The following SLMAP variants were observed in gnomAD, a reference collection of about 807,000 sequenced individuals.
The protein encoded by SLMAP is sarcolemmal membrane-associated protein.
A neutral mutation model predicts 128.8 loss-of-function variants in SLMAP; 44 were observed. The ratio of observed to expected loss-of-function variants is 0.34; its 90% CI spans 0.27 to 0.44. The LOEUF is 0.44. SLMAP is among the 20% of genes least tolerant of loss of function. The pLI, the probability that SLMAP is intolerant of heterozygous loss-of-function variation, is 1.00. For synonymous variants in SLMAP, 327 were observed against 348.8 expected, an observed-to-expected ratio of 0.94 and a Z score of 0.70; for missense variants, 787 against 985.3, an observed-to-expected ratio of 0.80 and a Z score of 2.69.
chr3:57,770,209 C>T (rs775750580), intron 2 of SLMAP, among the ~76,000 whole-genome samples: 3 of 152,086 alleles, frequency 2.0e-5, no homozygotes, highest in Non-Finnish European at 2.9e-5. Context: ...AATATAATTA[C>T]GATACAAATA....
At chr3:57,794,659 G>T (rs2086302258) in intron 2 of SLMAP, among the ~76,000 whole-genome samples, 1 of 152,066 alleles carries the variant, frequency 6.6e-6, no homozygotes, top group South Asian at 2.1e-4. Context: ...TGCCTATCTG[G>T]ACATTTTATA....
Position 57,756,912 on chromosome 3 carries a change from C to G in SLMAP, c.-740C>G, listed in dbSNP as rs866259752. ...GTCGCGGGGACGCTCGCCAGGTGCC[C>G]AGGAGTCCCGACTTGGCCACTGCCC... On this transcript the variant is annotated 5_prime_UTR_variant, in exon 2 of 25. Coordinates refer to ENST00000671191, the MANE Select transcript of SLMAP (RefSeq NM_001377540.1). The G allele has an allele frequency of 6.6e-6, 1 of 152,484 alleles. No individual in the cohort carries two copies. Among genetic ancestry groups the G allele is most frequent in the East Asian group, 1.9e-4 (1 of 5,160 alleles). 9.4% of individuals were successfully genotyped at this position (152,484 alleles called of 1,614,324 possible).
At chr3:57,817,675 A>G (rs922690369) in intron 2 of SLMAP, among the ~76,000 whole-genome samples, 6 of 152,290 alleles carry the variant, frequency 3.9e-5, no homozygotes, top group African/African-American at 1.4e-4. Context: ...CTTATTTCAT[A>G]GTGTTCTGAA....
chr3:57,840,691 C>T (rs1161085000), intron 3 of SLMAP, among the ~76,000 whole-genome samples: 1 of 152,110 alleles, frequency 6.6e-6, no homozygotes, highest in African/African-American at 2.4e-5. Flanking sequence ...GAGGAAGAAA[C>T]AACTATCAAG....
intron 17 of SLMAP, chr3:57,898,912 T>C (rs1315231316): frequency 2.0e-5 from 3 of 152,146 alleles, no homozygotes; most frequent in Non-Finnish European, 4.4e-5. Flanking sequence ...TATAGGTTTA[T>C]TGTGAAGATT....
chr3:57,857,884 C>A, intron 7 of SLMAP, 56 bp downstream of exon 7: 2 of 1,206,618 alleles, frequency 1.7e-6, no homozygotes, highest in Non-Finnish European at 2.4e-6. Context: ...ATATTCCATA[C>A]ATGTTAAATA....
chr3:57,858,219 C>G (rs930728577), intron 8 of SLMAP, 60 bp downstream of exon 8: 7 of 928,890 alleles, frequency 7.5e-6, no homozygotes, highest in Non-Finnish European at 1.1e-5. Flanking sequence ...AACATCATTT[C>G]TTTGACTATC....
At chr3:57,812,969 G>A (rs866409876) in intron 2 of SLMAP, among the ~76,000 whole-genome samples, 3 of 150,916 alleles carry the variant, frequency 2.0e-5, no homozygotes, top group Admixed American at 6.6e-5. Context: ...TATTGTCTTT[G>A]TATCTTACTA....
At chr3:57,847,844 T>G (rs1171444162) in intron 5 of SLMAP, among the ~76,000 whole-genome samples, 1 of 152,074 alleles carries the variant, frequency 6.6e-6, no homozygotes, top group Non-Finnish European at 1.5e-5. Context: ...GTGGAAAAAA[T>G]ATTTTATGTT....
chr3:57,913,272 A>C lies in SLMAP; in HGVS notation c.2135A>C (p.His712Pro). 7.1e-7 allele frequency: 1 copy of C among 1,405,244 alleles called. No homozygotes were observed. The highest frequency in any genetic ancestry group is 1.0e-6 in the Non-Finnish European group (1 of 999,420). 87.0% of individuals were successfully genotyped at this position (1,405,244 alleles called of 1,614,324 possible). A position where few individuals can be genotyped will look rare whatever the true frequency, so the allele number is the denominator to read the frequency against. ...CTGCAACGGCAAGAAAAAGAATTGC[A>C]CAAGTATGCAAGAACTCTCTGTTTT... ...SELQRQEKEL[H>P]NSQKQSLELT... The change falls in exon 21 of 25, where the codon CAC (histidine) becomes CCC (proline). Residue 712 changes from histidine to proline, a missense_variant. By Grantham distance (77) the His-to-Pro change is moderately conservative. Around this residue, in one of 2 missense-constraint regions of SLMAP, gnomAD observed 715 missense variants for 843.6 expected, o/e 0.85. Coordinates refer to ENST00000671191, the MANE Select transcript of SLMAP (RefSeq NM_001377540.1).
At chr3:57,761,099 A>G (rs2078544646) in intron 2 of SLMAP, among the ~76,000 whole-genome samples, 1 of 151,172 alleles carries the variant, frequency 6.6e-6, no homozygotes. Context: ...TGAGGTAATT[A>G]TATAAATCAC....
At chr3:57,897,289 C>T (rs1020450138) in intron 17 of SLMAP, 3 of 351,306 alleles carry the variant, frequency 8.5e-6, no homozygotes, top group Non-Finnish European at 1.4e-5. Context: ...CACCGGTTTA[C>T]TCTGTTATCA....
chr3:57,819,193 G>A (rs1258380933), intron 2 of SLMAP, among the ~76,000 whole-genome samples: 1 of 152,168 alleles, frequency 6.6e-6, no homozygotes, highest in Admixed American at 6.5e-5. Flanking sequence ...ACCTGTGGAT[G>A]TCTAAATTTT....
chr3:57,869,630 T>TTATATATATA (rs55916379), intron 13 of SLMAP, among the ~76,000 whole-genome samples: 1,943 of 75,212 alleles, frequency 0.026, 52 homozygotes, highest in East Asian at 0.052. Context: ...CCCATCTCTA[T>TTATATATATA]TATATATATA....
At chr3:57,896,637 G>A in intron 16 of SLMAP, 46 bp downstream of exon 16, 1 of 1,416,168 alleles carries the variant, frequency 7.1e-7, no homozygotes. Context: ...GTTAATGGCA[G>A]TTTAGTTATA....
chr3:57,856,514 C>G (rs1247021213), intron 6 of SLMAP, among the ~76,000 whole-genome samples: 1 of 152,116 alleles, frequency 6.6e-6, no homozygotes, highest in East Asian at 1.9e-4. Flanking sequence ...GTATCAAGAT[C>G]ATCATTATCA....
At chr3:57,849,693 G>C (rs2094435564) in intron 5 of SLMAP, 61 bp from the exon 6 acceptor site, 3 of 870,056 alleles carry the variant, frequency 3.4e-6, no homozygotes, top group Non-Finnish European at 5.8e-6. Context: ...TCAAGAAATT[G>C]GTTTGTCTTT....
Position 57,806,639 on chromosome 3 carries a change from C to T in SLMAP, c.199-24744C>T, listed in dbSNP as rs376375788. Among the ~76,000 whole-genome samples, 5 of 151,920 alleles carry T rather than the reference C, an allele frequency of 3.3e-5. No individual in the cohort carries two copies. The South Asian group carries it at 6.3e-4, about 19-fold the overall frequency. Reference sequence around the variant, plus strand: ...ATTTTTAGTAGAGACAGGGTTTCACCGTGTTGGCCAGGCTGTTCTCGCACT... The same window carrying T: ...ATTTTTAGTAGAGACAGGGTTTCACTGTGTTGGCCAGGCTGTTCTCGCACT... On this transcript the variant is annotated intron_variant, in intron 2 of 24. Coordinates refer to ENST00000671191, the MANE Select transcript of SLMAP (RefSeq NM_001377540.1).
At chr3:57,864,886 A>T in intron 12 of SLMAP, 29 bp downstream of exon 12, 1 of 1,521,148 alleles carries the variant, frequency 6.6e-7, no homozygotes, top group Non-Finnish European at 8.8e-7. Context: ...TCTTACTTAA[A>T]CCTGAATTTT....
Sources: allele counts gnomAD v4.1 joint callset (sites outside exome capture counted in the v4.1 genomes callset), GRCh38; gene constraint gnomAD v4.1.1; regional missense constraint gnomAD v4.1.1; transcripts MANE v1.5; gene names NCBI Gene and HGNC (gene_info 2026-07-23, HGNC 2026-07-21).